Variants in SUMF1 observed in about 807,000 individuals in gnomAD.
SUMF1 encodes sulfatase modifying factor 1.
Under a neutral mutation model 47.6 loss-of-function variants are expected in SUMF1, and 48 were observed. The ratio of observed to expected loss-of-function variants is 1.01; its 90% CI spans 0.80 to 1.28. The LOEUF is 1.28. Among genes scored for constraint, SUMF1 ranks in the 50% most tolerant of loss-of-function variants. The pLI, the probability that SUMF1 is intolerant of heterozygous loss-of-function variation, is 0.00. For missense variants in SUMF1, 571 were observed against 485.4 expected, an observed-to-expected ratio of 1.18 and a Z score of -1.66; for synonymous variants, 230 against 192.1, an observed-to-expected ratio of 1.20 and a Z score of -1.63.
intron 8 of SUMF1, among the ~76,000 whole-genome samples, chr3:4,237,473 G>A (rs1420618500): frequency 6.6e-6 from 1 of 151,522 alleles, no homozygotes; most frequent in Non-Finnish European, 1.5e-5. Flanking sequence ...TTTTTAATTG[G>A]GTTGTTCATT....
chr3:4,101,085 G>GA (rs762172678), intron 8 of SUMF1, among the ~76,000 whole-genome samples: 5 of 151,862 alleles, frequency 3.3e-5, no homozygotes, highest in African/African-American at 4.8e-5. Flanking sequence ...CAGTATGGGG[G>GA]ATCTTCATAA....
chr3:4,454,175 C>G (rs1703074858), intron 1 of SUMF1, among the ~76,000 whole-genome samples: 1 of 152,052 alleles, frequency 6.6e-6, no homozygotes, highest in Admixed American at 6.5e-5. Context: ...TATAAAAACC[C>G]TAATTGCAAC....
chr3:4,409,947 G>A (rs989182893), intron 7 of SUMF1, among the ~76,000 whole-genome samples: 2 of 152,160 alleles, frequency 1.3e-5, no homozygotes, highest in African/African-American at 4.8e-5. Context: ...AGAAGATATT[G>A]AAGAATTAAT....
chr3:4,242,463 T>C (rs906610914), intron 8 of SUMF1, among the ~76,000 whole-genome samples: 17 of 152,228 alleles, frequency 1.1e-4, no homozygotes, highest in African/African-American at 4.1e-4. Context: ...ACCTAGTTTA[T>C]TGAGAATTTT....
intron 8 of SUMF1, among the ~76,000 whole-genome samples, chr3:4,093,240 T>G (rs1692825892): frequency 6.6e-6 from 1 of 152,128 alleles, no homozygotes. Context: ...ATAGCAAGTA[T>G]TCAAAAAGCT....
intron 8 of SUMF1, among the ~76,000 whole-genome samples, chr3:4,251,096 T>C (rs1381326249): frequency 2.0e-5 from 3 of 152,198 alleles, no homozygotes; most frequent in African/African-American, 7.2e-5. Context: ...CTGGAAAGGA[T>C]TCACCATTCT....
At chr3:4,195,856 A>C (rs550854007) in intron 8 of SUMF1, among the ~76,000 whole-genome samples, 1 of 152,224 alleles carries the variant, frequency 6.6e-6, no homozygotes, top group South Asian at 2.1e-4. Context: ...CATCTCCCAT[A>C]TCTTATCTAT....
chr3:4,336,855 A>C (rs1040750721), intron 8 of SUMF1, among the ~76,000 whole-genome samples: 6 of 152,166 alleles, frequency 3.9e-5, no homozygotes, highest in Non-Finnish European at 8.8e-5. Context: ...ATCTGGGAAA[A>C]TACAAATTAC....
intron 8 of SUMF1, among the ~76,000 whole-genome samples, chr3:4,116,673 G>A (rs1467531100): frequency 1.3e-5 from 2 of 152,102 alleles, no homozygotes; most frequent in African/African-American, 2.4e-5. Context: ...AGTGACCCAT[G>A]CTTTTCACTC....
intron 8 of SUMF1, among the ~76,000 whole-genome samples, chr3:4,104,850 AT>A (rs1489411796): frequency 6.6e-6 from 1 of 152,026 alleles, no homozygotes; most frequent in African/African-American, 2.4e-5. Context: ...CTTTTACACC[AT>A]AAAATGCAGC....
chr3:4,150,925 C>A (rs1013528116), intron 8 of SUMF1, among the ~76,000 whole-genome samples: 1 of 151,424 alleles, frequency 6.6e-6, no homozygotes, highest in South Asian at 2.1e-4. Context: ...TGCCCCAAAA[C>A]GGCCAGCAAA....
At chr3:4,293,211 G>A (rs1187223078) in intron 8 of SUMF1, among the ~76,000 whole-genome samples, 2 of 152,128 alleles carry the variant, frequency 1.3e-5, no homozygotes, top group Non-Finnish European at 2.9e-5. Context: ...ATATGTAACT[G>A]GAAGTGGAAG....
intron 8 of SUMF1, among the ~76,000 whole-genome samples, chr3:4,150,667 G>A (rs1694298316): frequency 1.3e-5 from 2 of 151,708 alleles, no homozygotes; most frequent in East Asian, 1.9e-4. Flanking sequence ...TTATAGGCAT[G>A]AGCCACTATG....
intron 7 of SUMF1, among the ~76,000 whole-genome samples, chr3:4,393,913 T>C (rs371704690): frequency 1.6e-4 from 25 of 152,140 alleles, no homozygotes; most frequent in African/African-American, 6.0e-4. Context: ...ACATTGCAAT[T>C]ACCAAAATAA....
Position 4,089,258 on chromosome 3 carries a change from A to C in SUMF1, c.1015-20513T>G, listed in dbSNP as rs1488425641. Reference sequence around the variant, plus strand: ...CTATTTTGTAAAATAAATTTTCTTAAAATGTAATACTTTCCCTATGATTAG... The same window carrying C: ...CTATTTTGTAAAATAAATTTTCTTACAATGTAATACTTTCCCTATGATTAG... On this transcript the variant is annotated intron_variant and NMD_transcript_variant, in intron 8 of 12. Coordinates refer to the SUMF1 transcript ENST00000448413. Among the ~76,000 whole-genome samples the C allele has an allele frequency of 2.0e-5, 3 of 152,266 alleles. No individual in the cohort carries two copies. In the East Asian group the frequency reaches 5.8e-4, roughly 29 times the overall value.
chr3:4,117,821 G>A (rs1283957020), intron 8 of SUMF1, among the ~76,000 whole-genome samples: 1 of 151,960 alleles, frequency 6.6e-6, no homozygotes, highest in Non-Finnish European at 1.5e-5. Context: ...AAGTACTCAG[G>A]TTCTTGGATC....
At chr3:4,344,062 T>C (rs1333336715) in intron 8 of SUMF1, among the ~76,000 whole-genome samples, 2 of 152,252 alleles carry the variant, frequency 1.3e-5, no homozygotes, top group African/African-American at 4.8e-5. Context: ...ATATAAGTTG[T>C]GATTGACAGG....
chr3:4,232,084 C>T (rs1696311143), intron 8 of SUMF1, among the ~76,000 whole-genome samples: 1 of 152,044 alleles, frequency 6.6e-6, no homozygotes. Flanking sequence ...TAAATGGAGT[C>T]CATCTTAGGT....
intron 8 of SUMF1, among the ~76,000 whole-genome samples, chr3:4,245,982 C>T (rs1696658921): frequency 6.6e-6 from 1 of 152,230 alleles, no homozygotes; most frequent in Admixed American, 6.5e-5. Flanking sequence ...GCCCCTTTCC[C>T]TGCCAAGCTC....
Sources: gnomAD v4.1 joint callset for allele counts (sites outside exome capture counted in the v4.1 genomes callset) on GRCh38, gnomAD v4.1.1 for gene constraint, MANE v1.5 for transcripts, NCBI Gene and HGNC (gene_info 2026-07-23, HGNC 2026-07-21) for gene names.